The following CD80 variants were observed in gnomAD, a reference collection of about 807,000 sequenced individuals.
CD80 encodes the protein CD80 molecule.
CD80 carries 13 observed loss-of-function variants against 27.1 expected under a neutral mutation model. The observed-to-expected ratio is 0.48, with a 90% CI of 0.31 to 0.76. The LOEUF (loss-of-function observed/expected upper bound fraction) is 0.76. CD80 is among the 30% of genes least tolerant of loss of function. The pLI, the probability that CD80 is intolerant of heterozygous loss-of-function variation, is 0.04. For missense variants in CD80, 277 were observed against 347.9 expected, an observed-to-expected ratio of 0.80 and a Z score of 1.62; for synonymous variants, 125 against 125.5, an observed-to-expected ratio of 1.00 and a Z score of 0.03.
intron 4 of CD80, among the ~76,000 whole-genome samples, chr3:119,533,726 CTG>C (rs1560054125): frequency 6.6e-6 from 1 of 152,168 alleles, no homozygotes; most frequent in Non-Finnish European, 1.5e-5. Flanking sequence ...CCACGTGGAA[CTG>C]TGAGTCTAAT....
chr3:119,527,979 A>G, intron 5 of CD80, 138 bp from the exon 6 acceptor site: 1 of 730,254 alleles, frequency 1.4e-6, no homozygotes. Context: ...GTGATTTACA[A>G]TGCTCCCTCT....
intron 4 of CD80, among the ~76,000 whole-genome samples, chr3:119,531,458 A>G (rs1358951690): frequency 6.6e-6 from 1 of 152,156 alleles, no homozygotes; most frequent in Non-Finnish European, 1.5e-5. Context: ...TTCTTTCCAT[A>G]GTAGGATTTG....
chr3:119,542,390 C>T (rs546574123), intron 3 of CD80, among the ~76,000 whole-genome samples: 4 of 152,046 alleles, frequency 2.6e-5, no homozygotes, highest in East Asian at 3.9e-4. Context: ...GAATTCACTA[C>T]GGATCTGCTG....
chr3:119,549,468 C>A (rs577240856), intron 2 of CD80, among the ~76,000 whole-genome samples: 43 of 152,302 alleles, frequency 2.8e-4, no homozygotes, highest in African/African-American at 1.0e-3. Flanking sequence ...GCCCCCTGCC[C>A]AGTGCTGTCG....
chr3:119,528,171 G>C (rs1407988102), intron 5 of CD80, among the ~76,000 whole-genome samples: 1 of 152,158 alleles, frequency 6.6e-6, no homozygotes, highest in Non-Finnish European at 1.5e-5. Flanking sequence ...ATAATGTTGA[G>C]GATGAGAGCC....
chr3:119,531,200 C>T (rs1490260867), intron 4 of CD80, among the ~76,000 whole-genome samples: 4 of 152,268 alleles, frequency 2.6e-5, no homozygotes, highest in African/African-American at 9.6e-5. Flanking sequence ...AAGACTCTTC[C>T]CACACTTTGC....
chr3:119,541,965 C>T (rs1003127479), intron 3 of CD80, among the ~76,000 whole-genome samples: 3 of 151,970 alleles, frequency 2.0e-5, no homozygotes, highest in Non-Finnish European at 4.4e-5. Flanking sequence ...TCCAAATTCA[C>T]CTGACCTGAG....
intron 5 of CD80, among the ~76,000 whole-genome samples, chr3:119,529,393 T>C (rs2082097299): frequency 6.6e-6 from 1 of 152,202 alleles, no homozygotes; most frequent in African/African-American, 2.4e-5. Context: ...AAAATTAGAA[T>C]ATCAGCAGGA....
chr3:119,546,656 T>C (rs555167949), intron 2 of CD80, among the ~76,000 whole-genome samples: 3 of 152,344 alleles, frequency 2.0e-5, no homozygotes, highest in African/African-American at 7.2e-5. Context: ...GGCCTCCTTC[T>C]TGGATCTGTT....
At chr3:119,528,358 C>T (rs576928719) in intron 5 of CD80, among the ~76,000 whole-genome samples, 18 of 152,086 alleles carry the variant, frequency 1.2e-4, no homozygotes, top group South Asian at 4.2e-4. Context: ...GTTGATCTTC[C>T]GATTTTATTT....
chr3:119,546,857 C>T (rs187172175), intron 2 of CD80, among the ~76,000 whole-genome samples: 9 of 148,074 alleles, frequency 6.1e-5, no homozygotes, highest in South Asian at 4.2e-4. Context: ...CACATGTACA[C>T]GCATTCATTT....
rs189671397 is a variant in CD80 at position 119,537,510 on chromosome 3, A to G, written c.419-92T>C. On this transcript the variant is annotated intron_variant, in intron 3 of 6. Transcript: ENST00000264246. Reference sequence around the variant, plus strand: ...TAAATAATTTTCTAGCTTTAATAAGAATTGATAAAGGCCAGGTGCAGTGGC... The same window carrying G: ...TAAATAATTTTCTAGCTTTAATAAGGATTGATAAAGGCCAGGTGCAGTGGC... 1.5e-5 allele frequency: 14 copies of G among 955,118 alleles called. No homozygotes were observed. The Admixed American group carries it at 2.9e-4, about 20-fold the overall frequency. 59.2% of individuals were successfully genotyped at this position (955,118 alleles called of 1,614,324 possible). A position where few individuals can be genotyped will look rare whatever the true frequency, so the allele number is the denominator to read the frequency against.
At chr3:119,538,728 G>A (rs1032523214) in intron 3 of CD80, among the ~76,000 whole-genome samples, 4 of 152,130 alleles carry the variant, frequency 2.6e-5, no homozygotes, top group Admixed American at 6.6e-5. Context: ...AAATAGAGAA[G>A]GCTTTGCCTA....
chr3:119,543,325 T>C (rs1377819724), intron 3 of CD80, among the ~76,000 whole-genome samples: 1 of 152,050 alleles, frequency 6.6e-6, no homozygotes, highest in Non-Finnish European at 1.5e-5. Flanking sequence ...AGTAGGTACA[T>C]AAACAGGGCT....
chr3:119,549,085 C>T (rs531749594), intron 2 of CD80, among the ~76,000 whole-genome samples: 1 of 151,940 alleles, frequency 6.6e-6, no homozygotes, highest in Non-Finnish European at 1.5e-5. Flanking sequence ...CCTTTCTTTC[C>T]AGGCCTGATT....
chr3:119,553,556 G>A (rs2082245879), intron 2 of CD80, among the ~76,000 whole-genome samples: 1 of 152,188 alleles, frequency 6.6e-6, no homozygotes, highest in African/African-American at 2.4e-5. Context: ...GCAGCCTGGA[G>A]GCCTGGAGGA....
chr3:119,527,080 A>G (rs1447215753), intron 6 of CD80, among the ~76,000 whole-genome samples: 3 of 152,224 alleles, frequency 2.0e-5, no homozygotes, highest in Admixed American at 6.5e-5. Context: ...GACCAAATCT[A>G]AAGTCTTGGG....
At chr3:119,553,511 A>G (rs553040386) in intron 2 of CD80, among the ~76,000 whole-genome samples, 3 of 152,296 alleles carry the variant, frequency 2.0e-5, no homozygotes, top group East Asian at 1.9e-4. Flanking sequence ...AAGAATCCAT[A>G]CTAGGAAGAC....
chr3:119,537,528 G>A, intron 3 of CD80, 110 bp from the exon 4 acceptor site: 1 of 760,838 alleles, frequency 1.3e-6, no homozygotes, highest in Non-Finnish European at 2.1e-6. Context: ...AAGGCCAGGT[G>A]CAGTGGCTCA....
Sources: allele counts gnomAD v4.1 joint callset (sites outside exome capture counted in the v4.1 genomes callset), GRCh38; gene constraint gnomAD v4.1.1; transcripts MANE v1.5; gene names NCBI Gene and HGNC (gene_info 2026-07-23, HGNC 2026-07-21).